CBFA2T3: variants seen among roughly 807,000 people sequenced by gnomAD.
CBFA2T3 encodes transcriptional corepressor CBFA2T3.
In CBFA2T3, 31 loss-of-function variants were observed where a neutral mutation model predicts 58.6. The ratio of observed to expected loss-of-function variants is 0.53; its 90% CI spans 0.40 to 0.71. The LOEUF is 0.71. Ranked by LOEUF, CBFA2T3 falls within the 30% of genes least tolerant of loss-of-function variation. The pLI, the probability that CBFA2T3 is intolerant of heterozygous loss-of-function variation, is 0.00. For synonymous variants in CBFA2T3, 531 were observed against 421.9 expected (o/e 1.26, Z -3.17); for missense variants, 1,076 against 963.1 (o/e 1.12, Z -1.55).
rs1352011235 is a variant in CBFA2T3 at position 88,937,175 on chromosome 16, T to C, written c.152-35519A>G. ...CAGAAGCAGAACCAGGCCTTCTCAC[T>C]CTGCCCAGGAAAGTCAGGAGGTGGA... is the stretch of plus-strand genomic sequence containing the variant. On this transcript the variant is annotated intron_variant, in intron 1 of 11. Transcript: ENST00000268679. The C allele has an allele frequency of 3.3e-5, 5 of 152,342 alleles. No individual in the cohort carries two copies. The East Asian group carries it at 9.6e-4, about 29-fold the overall frequency. 9.4% of individuals were successfully genotyped at this position (152,342 alleles called of 1,614,324 possible).
chr16:88,902,819 A>T (rs1970151743), intron 1 of CBFA2T3, among the ~76,000 whole-genome samples: 1 of 151,940 alleles, frequency 6.6e-6, no homozygotes, highest in Non-Finnish European at 1.5e-5. Context: ...TGAATACCGG[A>T]CTGCCCCGCA....
intron 1 of CBFA2T3, among the ~76,000 whole-genome samples, chr16:88,975,919 G>A (rs563131707): frequency 6.6e-6 from 1 of 152,380 alleles, no homozygotes; most frequent in East Asian, 1.9e-4. Context: ...GGGAGACTGT[G>A]AGCTCCTGAA....
intron 1 of CBFA2T3, among the ~76,000 whole-genome samples, chr16:88,960,254 C>G (rs1972325487): frequency 6.6e-6 from 1 of 152,124 alleles, no homozygotes; most frequent in Non-Finnish European, 1.5e-5. Context: ...TCTTCTGCCT[C>G]AAGCTCTAAG....
chr16:88,928,541 C>T (rs1971161243), intron 1 of CBFA2T3, among the ~76,000 whole-genome samples: 1 of 152,256 alleles, frequency 6.6e-6, no homozygotes, highest in South Asian at 2.1e-4. Flanking sequence ...GTGCAAACAA[C>T]CCTCTTCCAG....
At chr16:88,889,168 C>T (rs1017427607) in intron 5 of CBFA2T3, among the ~76,000 whole-genome samples, 7 of 151,644 alleles carry the variant, frequency 4.6e-5, no homozygotes, top group South Asian at 4.2e-4. Context: ...AGGGAAGGGC[C>T]GCTAACGAAC....
chr16:88,967,123 G>A lies in CBFA2T3; in HGVS notation c.151+9534C>T, dbSNP rs543784165. Among the ~76,000 whole-genome samples the A allele has an allele frequency of 2.7e-4, 18 of 67,826 alleles. 1 individual carries two copies. The highest frequency in any genetic ancestry group is 8.1e-4 in the African/African-American group (18 of 22,120). The allele number at this position is 67,826 out of a possible 152,430, so 44.5% of individuals were successfully genotyped here. Reference sequence around the variant, plus strand: ...GTGCCACCCCCAACCCCCAACCCCCGAGGTGCCACTCGGCCCCGACACGCG... The same window carrying A: ...GTGCCACCCCCAACCCCCAACCCCCAAGGTGCCACTCGGCCCCGACACGCG... On this transcript the variant is annotated intron_variant, in intron 1 of 11. Coordinates refer to ENST00000268679, the MANE Select transcript of CBFA2T3 (RefSeq NM_005187.6).
At chr16:88,962,459 C>A (rs12444214) in intron 1 of CBFA2T3, among the ~76,000 whole-genome samples, 9 of 152,178 alleles carry the variant, frequency 5.9e-5, no homozygotes, top group Non-Finnish European at 1.3e-4. Flanking sequence ...CTGTGGGGGA[C>A]GCTGAGGCTT....
intron 5 of CBFA2T3, among the ~76,000 whole-genome samples, chr16:88,891,021 G>C (rs1325690850): frequency 6.6e-6 from 1 of 152,130 alleles, no homozygotes. Context: ...GCCGGGCCGA[G>C]AGCCTGCAAA....
chr16:88,893,632 T>C (rs1208456889), intron 3 of CBFA2T3, among the ~76,000 whole-genome samples: 1 of 152,116 alleles, frequency 6.6e-6, no homozygotes, highest in Non-Finnish European at 1.5e-5. Flanking sequence ...GCAGGTGACA[T>C]AAGGAACAGC....
At chr16:88,911,197 T>C (rs998707398) in intron 1 of CBFA2T3, among the ~76,000 whole-genome samples, 1 of 152,212 alleles carries the variant, frequency 6.6e-6, no homozygotes. Flanking sequence ...CCTGCTGCCC[T>C]TCCCGCCGTG....
At chr16:88,879,508 TG>T in intron 10 of CBFA2T3, 48 bp from the exon 11 acceptor site, 1 of 1,565,274 alleles carries the variant, frequency 6.4e-7, no homozygotes, top group Non-Finnish European at 8.8e-7. Context: ...CCATCCCAGA[TG>T]GGTCTCTGGA....
At position 88,879,272 on chromosome 16, in the gene CBFA2T3, C is replaced by G; in HGVS notation, c.1660G>C (p.Glu554Gln). ...TCAGCGTGGCCGGGTGGCCCTACCT[C>G]GCTGGAGTCCTCCTGCTGGTTGATG... ...TVINQQEDSS[E>Q]SCWNCGRKAS... Residue 554 changes from glutamate to glutamine, a missense_variant and splice_region_variant, in exon 11 of 12, where the codon GAG becomes CAG. By Grantham distance (29) the Glu-to-Gln change is conservative. Transcript: ENST00000268679. 1 of 1,591,006 alleles carries G rather than the reference C, an allele frequency of 6.3e-7. No homozygotes were observed. The highest frequency in any genetic ancestry group is 8.6e-7 in the Non-Finnish European group (1 of 1,167,218).
chr16:88,936,513 T>C (rs1323148795), intron 1 of CBFA2T3, among the ~76,000 whole-genome samples: 1 of 146,384 alleles, frequency 6.8e-6, no homozygotes, highest in Non-Finnish European at 1.5e-5. Context: ...GGCAGCCGAG[T>C]ATCCACCACG....
At chr16:88,955,931 T>C (rs377574394) in intron 1 of CBFA2T3, among the ~76,000 whole-genome samples, 1 of 147,454 alleles carries the variant, frequency 6.8e-6, no homozygotes, top group Non-Finnish European at 1.5e-5. Context: ...CCAAGGCTCC[T>C]GACCCCGCCC....
intron 1 of CBFA2T3, among the ~76,000 whole-genome samples, chr16:88,906,101 T>G (rs1476249572): frequency 6.6e-6 from 1 of 151,996 alleles, no homozygotes; most frequent in Non-Finnish European, 1.5e-5. Flanking sequence ...CTCGAAATGG[T>G]GGCTATTATT....
intron 2 of CBFA2T3, among the ~76,000 whole-genome samples, chr16:88,899,678 G>T (rs1970025099): frequency 6.6e-6 from 1 of 152,210 alleles, no homozygotes; most frequent in African/African-American, 2.4e-5. Flanking sequence ...GGTCCCCAGG[G>T]AAGAGCAGGT....
chr16:88,912,482 TC>T (rs1216256310), intron 1 of CBFA2T3, among the ~76,000 whole-genome samples: 2 of 152,188 alleles, frequency 1.3e-5, no homozygotes, highest in Admixed American at 6.5e-5. Flanking sequence ...CGTCTCCTCA[TC>T]ATTCAGGTCT....
chr16:88,959,092 G>T (rs1972300645), intron 1 of CBFA2T3, among the ~76,000 whole-genome samples: 1 of 152,226 alleles, frequency 6.6e-6, no homozygotes. Flanking sequence ...CGATGCCAAG[G>T]TCCCAGCAGC....
At chr16:88,922,933 C>G (rs1052096969) in intron 1 of CBFA2T3, among the ~76,000 whole-genome samples, 1 of 152,218 alleles carries the variant, frequency 6.6e-6, no homozygotes, top group African/African-American at 2.4e-5. Flanking sequence ...ACAGATGGGG[C>G]AGCAAAGGCC....
Sources: gnomAD v4.1 joint callset for allele counts (sites outside exome capture counted in the v4.1 genomes callset) on GRCh38, gnomAD v4.1.1 for gene constraint, MANE v1.5 for transcripts, NCBI Gene and HGNC (gene_info 2026-07-23, HGNC 2026-07-21) for gene names.